Variants in NR2C2 observed in about 807,000 individuals in gnomAD.
The protein encoded by NR2C2 is nuclear receptor subfamily 2 group C member 2, also known as Nuclear hormone receptor TR4.
In NR2C2, 6 loss-of-function variants were observed where a neutral mutation model predicts 62.9. The ratio of observed to expected loss-of-function variants is 0.10; its 90% CI spans 0.05 to 0.19. NR2C2 has a LOEUF of 0.19. Ranked by LOEUF, NR2C2 falls within the 10% of genes least tolerant of loss-of-function variation. NR2C2 has a pLI of 1.00. For missense variants in NR2C2, 479 were observed against 762.7 expected, an observed-to-expected ratio of 0.63 and a Z score of 4.38; for synonymous variants, 272 against 273.8, an observed-to-expected ratio of 0.99 and a Z score of 0.07.
chr3:14,977,884 G>A (rs568736581), intron 1 of NR2C2, among the ~76,000 whole-genome samples: 4 of 150,672 alleles, frequency 2.7e-5, no homozygotes, highest in Admixed American at 2.0e-4. Flanking sequence ...AGAATTGCTT[G>A]AACCCGGGAG....
intron 1 of NR2C2, among the ~76,000 whole-genome samples, chr3:14,977,432 T>C (rs1028936429): frequency 2.0e-5 from 3 of 152,206 alleles, no homozygotes; most frequent in African/African-American, 7.2e-5. Flanking sequence ...ATTTTTGATA[T>C]CTTATTTTTA....
chr3:14,976,022 C>T (rs2040193905), intron 1 of NR2C2, among the ~76,000 whole-genome samples: 1 of 152,162 alleles, frequency 6.6e-6, no homozygotes, highest in South Asian at 2.1e-4. Context: ...AATCTTCCCA[C>T]CTCCACCTTC....
chr3:14,982,475 G>A (rs374152151), intron 1 of NR2C2, among the ~76,000 whole-genome samples: 2 of 152,100 alleles, frequency 1.3e-5, no homozygotes, highest in South Asian at 2.1e-4. Context: ...TGAGTCTTCC[G>A]ATCCATCATG....
chr3:15,036,312 G>T (rs1280241657), intron 11 of NR2C2, among the ~76,000 whole-genome samples: 1 of 152,098 alleles, frequency 6.6e-6, no homozygotes, highest in Non-Finnish European at 1.5e-5. Flanking sequence ...AGTGAGATCT[G>T]TGGCAACTAT....
At chr3:14,962,068 G>T (rs568317082) in intron 1 of NR2C2, among the ~76,000 whole-genome samples, 4 of 152,186 alleles carry the variant, frequency 2.6e-5, no homozygotes, top group Non-Finnish European at 5.9e-5. Context: ...TCAGCATACT[G>T]TGACAGGGAA....
chr3:14,976,333 C>T (rs753309808), intron 1 of NR2C2, among the ~76,000 whole-genome samples: 20 of 152,228 alleles, frequency 1.3e-4, no homozygotes, highest in African/African-American at 2.9e-4. Flanking sequence ...TTGTATAAAT[C>T]GGTGTTCTGG....
At chr3:14,961,594 T>TC (rs761930670) in intron 1 of NR2C2, among the ~76,000 whole-genome samples, 106 of 152,308 alleles carry the variant, frequency 7.0e-4, no homozygotes, top group South Asian at 2.3e-3. Flanking sequence ...GCTTAGGAAA[T>TC]ATTCAGGAGA....
chr3:15,009,795 A>G (rs2041298904), intron 2 of NR2C2, among the ~76,000 whole-genome samples: 1 of 152,212 alleles, frequency 6.6e-6, no homozygotes, highest in South Asian at 2.1e-4. Context: ...TCTGAAATCA[A>G]GGTGTCAGCA....
chr3:14,978,059 T>A (rs1214715973), intron 1 of NR2C2, among the ~76,000 whole-genome samples: 1 of 150,086 alleles, frequency 6.7e-6, no homozygotes, highest in Non-Finnish European at 1.5e-5. Context: ...ATAAAAATAT[T>A]AAAAAAAAAG....
chr3:14,985,610 TCA>T (rs2040492394), intron 1 of NR2C2, among the ~76,000 whole-genome samples: 1 of 152,132 alleles, frequency 6.6e-6, no homozygotes, highest in African/African-American at 2.4e-5. Flanking sequence ...CTAAATGGAA[TCA>T]CACTGGTTAT....
In NR2C2 at chr3:15,032,369, T is replaced by G; in HGVS notation, c.1111-10T>G. 1.2e-6 allele frequency: 2 copies of G among 1,614,200 alleles called. No homozygotes were observed. Among genetic ancestry groups the G allele is most frequent in the Non-Finnish European group, 1.7e-6 (2 of 1,180,018 alleles). ...TTCACCTCCTGTGCCATGTGCCTCC[T>G]CTTTTCCAGCTAACAATGCCCAGTC... On this transcript the variant is annotated splice_polypyrimidine_tract_variant and intron_variant, in intron 9 of 13. Coordinates refer to ENST00000425241, the MANE Select transcript of NR2C2 (RefSeq NM_001291694.2).
intron 2 of NR2C2, among the ~76,000 whole-genome samples, chr3:15,005,253 C>T (rs1228906465): frequency 2.7e-5 from 4 of 148,772 alleles, no homozygotes; most frequent in Non-Finnish European, 5.9e-5. Flanking sequence ...ATGGCGTGAA[C>T]ACAGCTCACT....
chr3:14,969,759 C>T (rs2039981547), intron 1 of NR2C2, among the ~76,000 whole-genome samples: 1 of 152,204 alleles, frequency 6.6e-6, no homozygotes, highest in Admixed American at 6.5e-5. Context: ...CAAATAAGGC[C>T]TGCCATGGCT....
intron 1 of NR2C2, among the ~76,000 whole-genome samples, chr3:14,969,591 G>A (rs2125283605): frequency 6.6e-6 from 1 of 152,284 alleles, no homozygotes; most frequent in Admixed American, 6.5e-5. Context: ...AAATTTAGGA[G>A]TTAACTTGCT....
chr3:14,988,236 G>A (rs759098068), intron 1 of NR2C2, among the ~76,000 whole-genome samples: 3 of 152,212 alleles, frequency 2.0e-5, no homozygotes, highest in African/African-American at 2.4e-5. Flanking sequence ...CTTGGAGATG[G>A]ACCTCCAGCT....
chr3:15,007,496 A>G (rs531396014), intron 2 of NR2C2, among the ~76,000 whole-genome samples: 1 of 152,294 alleles, frequency 6.6e-6, no homozygotes, highest in East Asian at 1.9e-4. Flanking sequence ...CTTTTCCCTC[A>G]TAACATGTAC....
chr3:15,031,701 C>T (rs563666530), intron 9 of NR2C2, among the ~76,000 whole-genome samples: 1 of 152,024 alleles, frequency 6.6e-6, no homozygotes, highest in South Asian at 2.1e-4. Context: ...TCCCAAAATG[C>T]CTGCTAGTCC....
chr3:15,015,756 C>T (rs1575007979), intron 3 of NR2C2, among the ~76,000 whole-genome samples: 1 of 152,194 alleles, frequency 6.6e-6, no homozygotes, highest in East Asian at 1.9e-4. Context: ...AAAAACCCAA[C>T]ATTGAGAATT....
intron 1 of NR2C2, among the ~76,000 whole-genome samples, chr3:14,964,342 AATTAT>A (rs1030966940): frequency 3.9e-5 from 6 of 152,212 alleles, no homozygotes; most frequent in Middle Eastern, 3.2e-3. Flanking sequence ...CATGGTGGTG[AATTAT>A]ATTAAGGAAT....
Sources: gnomAD v4.1 joint callset for allele counts (sites outside exome capture counted in the v4.1 genomes callset) on GRCh38, gnomAD v4.1.1 for gene constraint, MANE v1.5 for transcripts, NCBI Gene and HGNC (gene_info 2026-07-23, HGNC 2026-07-21) for gene names.